The following CEP83 variants were observed in gnomAD, a reference collection of about 807,000 sequenced individuals.
The protein encoded by CEP83 is centrosomal protein of 83 kDa.
In CEP83, 70 loss-of-function variants were observed where a neutral mutation model predicts 101.9. That is an observed-to-expected ratio of 0.69 (90% confidence interval 0.57 to 0.84). CEP83 has a LOEUF of 0.84. CEP83 is among the 40% of genes least tolerant of loss of function. The pLI, the probability that CEP83 is intolerant of heterozygous loss-of-function variation, is 0.00. For missense variants in CEP83, 715 were observed against 787.2 expected, an observed-to-expected ratio of 0.91 and a Z score of 1.10; for synonymous variants, 264 against 267.9, an observed-to-expected ratio of 0.99 and a Z score of 0.14.
chr12:94,308,830 C>A lies in CEP83; in HGVS notation c.2089G>T (p.Gly697Ter). Residue 697 changes from glycine (G) to a stop codon, truncating the protein, a stop_gained, in exon 17 of 17, where the codon GGA becomes TGA. Transcript: ENST00000397809. LOFTEE classifies it high-confidence loss of function. ...TTQRKQLEEL[G>*]SSGE ...CAAGAACATCATTCTCCGGAAGATCCAAGTTCCTCTAGTTGTTTTCTTTGT... is the reference window on the plus strand; with the variant it reads ...CAAGAACATCATTCTCCGGAAGATCAAAGTTCCTCTAGTTGTTTTCTTTGT... The A allele has an allele frequency of 6.2e-7, 1 of 1,610,406 alleles. No homozygotes were observed. Among genetic ancestry groups the A allele is most frequent in the South Asian group, 1.1e-5 (1 of 90,922 alleles).
chr12:94,325,038 AACACCCTTACCTT>A (rs2058912237), intron 14 of CEP83, among the ~76,000 whole-genome samples: 2 of 152,106 alleles, frequency 1.3e-5, no homozygotes, highest in African/African-American at 4.8e-5. Flanking sequence ...TTCCCTCTGG[AACACCCTTACCTT>A]ACATATAACA....
intron 11 of CEP83, chr12:94,361,103 A>T (rs796518281): frequency 1.2e-4 from 18 of 152,278 alleles, no homozygotes; most frequent in African/African-American, 3.9e-4. Flanking sequence ...AAAATCAAAA[A>T]CTTAAGTATG....
At chr12:94,290,452 A>G in the CEP83 span, among the ~76,000 whole-genome samples, 2 of 152,262 alleles carry the variant, frequency 1.3e-5, no homozygotes, top group Non-Finnish European at 2.9e-5. Flanking sequence ...AGTAAGAGTT[A>G]AGAATCCCTG....
intron 1 of CEP83, among the ~76,000 whole-genome samples, chr12:94,454,389 G>A (rs1042386611): frequency 2.6e-5 from 4 of 152,208 alleles, no homozygotes; most frequent in Admixed American, 2.6e-4. Flanking sequence ...GTGTGGACTT[G>A]GAGAACTTTT....
Position 94,370,022 on chromosome 12 carries a change from T to C in CEP83, c.948A>G (p.Lys316=), listed in dbSNP as rs1320760861. 10 of 1,589,580 alleles carry C rather than the reference T, an allele frequency of 6.3e-6. No individual in the cohort carries two copies. The highest frequency in any genetic ancestry group is 6.9e-6 in the Non-Finnish European group (8 of 1,158,660). The stretch of plus-strand genomic sequence containing the variant: ...CTGTTATTTCCAGTTTGTTTGAATG[T>C]TTAAGTTCTTTTACCTGTTGATAAT... ...NTLSSKVKEL[K]HSNKLEITDI... Residue 316 remains lysine, a synonymous_variant, in exon 9 of 17, where the codon AAA becomes AAG. Transcript: ENST00000397809.
chr12:94,282,186 C>T, the CEP83 span: 1 of 732,068 alleles, frequency 1.4e-6, no homozygotes, highest in Non-Finnish European at 2.4e-6. Context: ...ATCTCTACAC[C>T]TTCAAACAAA....
intron 6 of CEP83, among the ~76,000 whole-genome samples, chr12:94,382,476 T>C (rs918840457): frequency 4.0e-5 from 6 of 151,846 alleles, no homozygotes; most frequent in African/African-American, 1.4e-4. Flanking sequence ...TTTAGTGCTA[T>C]AAATGTTTCT....
At chr12:94,373,509 C>A (rs2061393590) in intron 8 of CEP83, among the ~76,000 whole-genome samples, 1 of 152,150 alleles carries the variant, frequency 6.6e-6, no homozygotes, top group Non-Finnish European at 1.5e-5. Context: ...AAATCTTGAT[C>A]TTTTTCAAAG....
chr12:94,411,296 A>C (rs1271783987), intron 4 of CEP83, among the ~76,000 whole-genome samples: 1 of 152,118 alleles, frequency 6.6e-6, no homozygotes, highest in Non-Finnish European at 1.5e-5. Flanking sequence ...CTGTTTTTAC[A>C]GTCTCTTTTA....
At chr12:94,413,838 A>G (rs896792514) in intron 2 of CEP83, among the ~76,000 whole-genome samples, 4 of 150,484 alleles carry the variant, frequency 2.7e-5, no homozygotes, top group Non-Finnish European at 5.9e-5. Context: ...ACACACACAC[A>G]CACACACACA....
chr12:94,391,037 A>T (rs1369709010), intron 6 of CEP83, among the ~76,000 whole-genome samples: 1 of 152,206 alleles, frequency 6.6e-6, no homozygotes, highest in Non-Finnish European at 1.5e-5. Flanking sequence ...AATGGAACCA[A>T]GCAGGAAAAC....
At chr12:94,307,349 A>C (rs1297393714), downstream of CEP83, 1 of 152,230 alleles carries the variant, frequency 6.6e-6, no homozygotes, top group Non-Finnish European at 1.5e-5. Flanking sequence ...CACATTTTGG[A>C]TCACATTAGC....
intron 11 of CEP83, among the ~76,000 whole-genome samples, chr12:94,336,529 A>G (rs1014463962): frequency 1.3e-4 from 20 of 152,348 alleles, no homozygotes; most frequent in Admixed American, 9.8e-4. Flanking sequence ...TAAGGACTCA[A>G]TAAACATTTG....
the CEP83 span, chr12:94,279,800 C>A: frequency 1.3e-6 from 1 of 746,506 alleles, no homozygotes. Flanking sequence ...TGTCTAGGGG[C>A]CAAGAGACTG....
the CEP83 span, among the ~76,000 whole-genome samples, chr12:94,269,685 T>G: frequency 6.6e-6 from 1 of 152,262 alleles, no homozygotes; most frequent in Non-Finnish European, 1.5e-5. Flanking sequence ...CAATCTTGTT[T>G]TTAATACTCC....
At chr12:94,453,821 G>T (rs140256343) in intron 1 of CEP83, among the ~76,000 whole-genome samples, 1 of 152,148 alleles carries the variant, frequency 6.6e-6, no homozygotes, top group South Asian at 2.1e-4. Context: ...TGCCTAGGCC[G>T]GGCGCAGTGG....
intron 9 of CEP83, chr12:94,369,505 G>C (rs2061193232): frequency 6.5e-6 from 1 of 152,878 alleles, no homozygotes; most frequent in South Asian, 2.1e-4. Flanking sequence ...CTCTGCACTA[G>C]GCTACAATGA....
chr12:94,352,876 A>G (rs1320781449), intron 11 of CEP83, among the ~76,000 whole-genome samples: 1 of 152,226 alleles, frequency 6.6e-6, no homozygotes, highest in East Asian at 1.9e-4. Flanking sequence ...ACATATTCAC[A>G]TTATAAAAAT....
At chr12:94,313,527 TAAAAA>T (rs58864740) in intron 14 of CEP83, among the ~76,000 whole-genome samples, 2 of 95,720 alleles carry the variant, frequency 2.1e-5, no homozygotes, top group African/African-American at 4.1e-5. Flanking sequence ...AAGAACCCAT[TAAAAA>T]AAAAAAAAAA....
Sources: gnomAD v4.1 joint callset for allele counts (sites outside exome capture counted in the v4.1 genomes callset) on GRCh38, gnomAD v4.1.1 for gene constraint, MANE v1.5 for transcripts, NCBI Gene and HGNC (gene_info 2026-07-23, HGNC 2026-07-21) for gene names.